ZNF888: variants seen among roughly 807,000 people sequenced by gnomAD.
The protein encoded by ZNF888 is zinc finger protein 888, also known as CTD-2331H12.6.
A neutral mutation model predicts 7.2 loss-of-function variants in ZNF888; 5 were observed. The ratio of observed to expected loss-of-function variants is 0.70; its 90% CI spans 0.36 to 1.46. ZNF888 has a LOEUF of 1.46. ZNF888 is among the 40% of genes most tolerant of loss of function. The probability of loss-of-function intolerance (pLI) is 0.03; values close to 1 mark genes in which losing one functional copy is unlikely to be tolerated. For missense variants in ZNF888, 716 were observed against 858.0 expected (o/e 0.83, Z 2.07); for synonymous variants, 240 against 284.3 (o/e 0.84, Z 1.57).
chr19:52,922,377 GTTC>G (rs1468240855), intron 1 of ZNF888, among the ~76,000 whole-genome samples: 1 of 151,824 alleles, frequency 6.6e-6, no homozygotes, highest in Non-Finnish European at 1.5e-5. Context: ...TTCTCCCTCT[GTTC>G]TCCTTGCCAC....
chr19:52,914,389 A>T (rs2064720608), intron 4 of ZNF888: 2 of 983,760 alleles, frequency 2.0e-6, no homozygotes, highest in Non-Finnish European at 2.4e-6. Context: ...TCCAACATGG[A>T]GATAACAGGT....
chr19:52,911,029 G>C (rs8100613), intron 4 of ZNF888, among the ~76,000 whole-genome samples: 122,350 of 152,058 alleles, frequency 0.8, 49,989 homozygotes, highest in African/African-American at 0.95. Flanking sequence ...CAGGTGCACA[G>C]CACCATGAAC....
intron 4 of ZNF888, among the ~76,000 whole-genome samples, chr19:52,912,835 T>C (rs554704456): frequency 1.3e-5 from 2 of 152,114 alleles, no homozygotes; most frequent in Admixed American, 6.5e-5. Context: ...AGGCCGGACA[T>C]GGTGACTCAT....
At position 52,906,462 on chromosome 19, in the gene ZNF888, G is replaced by T; in HGVS notation, c.1860C>A (p.His620Gln). The T allele has an allele frequency of 5.6e-6, 9 of 1,613,162 alleles. No individual in the cohort carries two copies. Among genetic ancestry groups the T allele is most frequent in the Non-Finnish European group, 7.6e-6 (9 of 1,179,576 alleles). Residue 620 changes from histidine (H) to glutamine (Q), a missense_variant, in exon 5 of 5, where the codon CAC (histidine) becomes CAA (glutamine). Physicochemically the swap from His to Gln is conservative, Grantham distance 24. Transcript: ENST00000638862. ...TATGAACTCTCCTATGTATTTCAAGGTGTGATTTGATATTGAAAACTTTGT... is the reference window on the plus strand; with the variant it reads ...TATGAACTCTCCTATGTATTTCAAGTTGTGATTTGATATTGAAAACTTTGT... ...ECDKVFNIKS[H>Q]LEIHRRVHTG...
chr19:52,915,593 G>A (rs2064736436), intron 3 of ZNF888, among the ~76,000 whole-genome samples: 1 of 151,944 alleles, frequency 6.6e-6, no homozygotes, highest in South Asian at 2.1e-4. Context: ...TCCTCCCTCA[G>A]CCTCCCAAGT....
chr19:52,912,376 G>A (rs1350052048), intron 4 of ZNF888, among the ~76,000 whole-genome samples: 2 of 151,222 alleles, frequency 1.3e-5, no homozygotes, highest in Non-Finnish European at 3.0e-5. Flanking sequence ...GCCTCCCAAA[G>A]TGCTGGGATT....
At chr19:52,923,030 G>T (rs1432980078) in intron 1 of ZNF888, among the ~76,000 whole-genome samples, 1 of 152,178 alleles carries the variant, frequency 6.6e-6, no homozygotes, top group Non-Finnish European at 1.5e-5. Flanking sequence ...GGCCGACGAG[G>T]GTGAGGCTGG....
At chr19:52,910,645 C>T (rs1036058498) in intron 4 of ZNF888, among the ~76,000 whole-genome samples, 7 of 152,138 alleles carry the variant, frequency 4.6e-5, no homozygotes, top group Non-Finnish European at 1.0e-4. Flanking sequence ...GCCTGTTCCT[C>T]TTTCCACCAT....
At chr19:52,921,684 T>C (rs959146385) in intron 1 of ZNF888, 40 of 984,034 alleles carry the variant, frequency 4.1e-5, no homozygotes, top group Non-Finnish European at 4.8e-5. Flanking sequence ...ACCTTGAAAA[T>C]AGGGAGGCCG....
intron 1 of ZNF888, among the ~76,000 whole-genome samples, chr19:52,922,330 G>A (rs148463841): frequency 1.7e-3 from 265 of 151,640 alleles, no homozygotes; most frequent in East Asian, 0.01. Flanking sequence ...CCCACTCTCT[G>A]GCACCCCAGA....
chr19:52,907,692 TTTCCTG>T lies in ZNF888; in HGVS notation c.624_629del (p.His208_Lys210delinsGln), dbSNP rs2064627803. ...TCTCATTAAATTGGAAAGATTTTTC[TTTCCTG>T]TGTACATCCTGTTTCTGTGTGAGTA... is the stretch of plus-strand genomic sequence containing the variant. On this transcript the variant is annotated inframe_deletion, in exon 5 of 5. Coordinates refer to ENST00000638862, the MANE Select transcript of ZNF888 (RefSeq NM_001393938.1). The T allele has an allele frequency of 9.3e-6, 15 of 1,607,316 alleles. No homozygotes were observed. Among genetic ancestry groups the T allele is most frequent in the Non-Finnish European group, 1.3e-5 (15 of 1,177,406 alleles).
intron 1 of ZNF888, 28 bp downstream of exon 1, chr19:52,923,340 GC>G (rs1255640781): frequency 2.0e-5 from 20 of 985,762 alleles, no homozygotes; most frequent in Non-Finnish European, 2.4e-5. Flanking sequence ...TGGAGGCACA[GC>G]CTCAATACAA....
intron 3 of ZNF888, among the ~76,000 whole-genome samples, chr19:52,916,702 C>T (rs4803023): frequency 0.26 from 39,251 of 149,702 alleles, 6,276 homozygotes; most frequent in African/African-American, 0.41. Flanking sequence ...CTCACCTTGG[C>T]GGAAAAGGAC....
chr19:52,920,118 G>A lies in ZNF888; in HGVS notation c.-177-1181C>T, dbSNP rs1362544739. ...CCGCCCTATCCAGGAGGTGAGGGGC[G>A]CCTCTGCCCGGCCGCCCCTACTGGG... On this transcript the variant is annotated intron_variant, in intron 1 of 4. Coordinates refer to ENST00000638862, the MANE Select transcript of ZNF888 (RefSeq NM_001393938.1). 3.7e-5 allele frequency among the ~76,000 whole-genome samples: 2 copies of A among 53,640 alleles called. 1 individual carries two copies. The highest frequency in any genetic ancestry group is 4.5e-4 in the Admixed American group (2 of 4,482). 35.2% of individuals were successfully genotyped at this position (53,640 alleles called of 152,430 possible). A position where few individuals can be genotyped will look rare whatever the true frequency, so the allele number is the denominator to read the frequency against.
At chr19:52,918,125 C>A (rs2064772146) in intron 2 of ZNF888, 194 bp from the exon 3 acceptor site, 1 of 1,389,746 alleles carries the variant, frequency 7.2e-7, no homozygotes, top group Admixed American at 3.0e-5. Flanking sequence ...GAAGCCCACA[C>A]ACACGCTGCA....
chr19:52,914,575 A>G (rs1367159090), intron 4 of ZNF888, among the ~76,000 whole-genome samples: 1 of 152,212 alleles, frequency 6.6e-6, no homozygotes, highest in African/African-American at 2.4e-5. Context: ...AATATGTAGT[A>G]TGTGGACATC....
At chr19:52,915,048 G>C (rs2064727971) in intron 4 of ZNF888, 148 bp downstream of exon 4, 10 of 1,338,902 alleles carry the variant, frequency 7.5e-6, no homozygotes, top group Non-Finnish European at 1.0e-5. Context: ...AGGGGACAGT[G>C]AAAGTCCAGA....
chr19:52,921,163 A>G (rs2064819251), intron 1 of ZNF888, among the ~76,000 whole-genome samples: 1 of 152,172 alleles, frequency 6.6e-6, no homozygotes, highest in South Asian at 2.1e-4. Context: ...GACCTGAGAC[A>G]GGAAGTATTT....
At position 52,907,432 on chromosome 19, in the gene ZNF888, G is replaced by A. The variant is rs2064623874; in HGVS notation, c.890C>T (p.Pro297Leu). 6.2e-7 allele frequency: 1 copy of A among 1,611,234 alleles called. No homozygotes were observed. Among genetic ancestry groups the A allele is most frequent in the South Asian group, 1.1e-5 (1 of 90,704 alleles). Reference sequence around the variant, plus strand: ...CTTGCCACACTCATTACACTTGTAAGGTTTTTCTCCAGTATGACGTCTATA... The same window carrying A: ...CTTGCCACACTCATTACACTTGTAAAGTTTTTCTCCAGTATGACGTCTATA... ...RHYRRHTGEKPYKCNECGKTF... is the reference protein window; with the variant it reads ...RHYRRHTGEKLYKCNECGKTF... Residue 297 changes from proline (P) to leucine (L), a missense_variant, in exon 5 of 5, where the codon CCT becomes CTT. By Grantham distance (98) the Pro-to-Leu change is moderately conservative (BLOSUM62 -3). Around this residue, in one of 2 missense-constraint regions of ZNF888, gnomAD observed 697 missense variants for 803.4 expected, o/e 0.87. Transcript: ENST00000638862.
Sources: allele counts gnomAD v4.1 joint callset (sites outside exome capture counted in the v4.1 genomes callset), GRCh38; gene constraint gnomAD v4.1.1; regional missense constraint gnomAD v4.1.1; transcripts MANE v1.5; gene names NCBI Gene and HGNC (gene_info 2026-07-23, HGNC 2026-07-21).